AOAH: variants seen among roughly 807,000 people sequenced by gnomAD.
The protein encoded by AOAH is acyloxyacyl hydrolase (neutrophil).
In AOAH, 64 loss-of-function variants were observed where a neutral mutation model predicts 92.2. That is an observed-to-expected ratio of 0.69 (90% CI 0.57 to 0.86). The LOEUF is 0.86. Ranked by LOEUF, AOAH falls within the 40% of genes least tolerant of loss-of-function variation. AOAH has a pLI of 0.00. For missense variants in AOAH, 656 were observed against 694.6 expected, an observed-to-expected ratio of 0.94 and a Z score of 0.62; for synonymous variants, 263 against 254.5, an observed-to-expected ratio of 1.03 and a Z score of -0.32.
At chr7:36,547,681 C>G (rs1443248229) in intron 15 of AOAH, among the ~76,000 whole-genome samples, 2 of 149,070 alleles carry the variant, frequency 1.3e-5, no homozygotes, top group African/African-American at 5.1e-5. Context: ...TTTTTTTTGG[C>G]CACAATCACA....
At position 36,616,462 on chromosome 7, in the gene AOAH, C is replaced by T; in HGVS notation, c.764G>A (p.Arg255Lys). Reference protein sequence around the residue: ...EKKFCEGSQPRGIILLGDSAG... With the variant: ...EKKFCEGSQPKGIILLGDSAG... ...TGAGTCTCCCAGCAAAATGATTCCCCTGGGCTGTGAACCTAGGCAGCACAA... is the reference window on the plus strand; with the variant it reads ...TGAGTCTCCCAGCAAAATGATTCCCTTGGGCTGTGAACCTAGGCAGCACAA... Residue 255 changes from arginine (R) to lysine (K), a missense_variant, in exon 11 of 21, where the codon AGG becomes AAG. Arg to Lys is a conservative substitution (Grantham distance 26, BLOSUM62 2). Coordinates refer to ENST00000617537, the MANE Select transcript of AOAH (RefSeq NM_001637.4). 1.2e-6 allele frequency: 2 copies of T among 1,614,036 alleles called. No homozygotes were observed. The highest frequency in any genetic ancestry group is 1.7e-6 in the Non-Finnish European group (2 of 1,179,908).
intron 20 of AOAH, among the ~76,000 whole-genome samples, chr7:36,518,216 ATTG>A (rs1209563218): frequency 6.6e-6 from 1 of 151,178 alleles, no homozygotes; most frequent in Non-Finnish European, 1.5e-5. Context: ...GTTTGTTGTT[ATTG>A]TTGTTTTTGA....
chr7:36,701,406 G>T (rs7800651), intron 1 of AOAH, among the ~76,000 whole-genome samples: 87,332 of 150,716 alleles, frequency 0.58, 25,569 homozygotes, highest in East Asian at 0.83. Context: ...GCATTGCCTG[G>T]TTTTCTTTTC....
At chr7:36,720,582 G>A (rs1327650694) in intron 1 of AOAH, among the ~76,000 whole-genome samples, 1 of 152,184 alleles carries the variant, frequency 6.6e-6, no homozygotes, top group Non-Finnish European at 1.5e-5. Context: ...CCTCTGCCCT[G>A]CACTTCATGG....
intron 13 of AOAH, among the ~76,000 whole-genome samples, chr7:36,569,470 AATCTATCTATCTATCT>A (rs10581908): frequency 4.5e-4 from 67 of 148,068 alleles, no homozygotes; most frequent in African/African-American, 1.3e-3. Flanking sequence ...TACTTAAAAA[AATCTATCTATCTATCT>A]ATCTATCTAT....
At position 36,540,329 on chromosome 7, in the gene AOAH, A is replaced by C. The variant is rs761689958; in HGVS notation, c.1296T>G (p.Tyr432Ter). ...TFLWDNLHNR[Y>*]HPLGQLNKDM... ...TCTTCAAACTGATACCGAGAGGATGATATCTGTTGTGCAAATTATCCCAGA... is the reference window on the plus strand; with the variant it reads ...TCTTCAAACTGATACCGAGAGGATGCTATCTGTTGTGCAAATTATCCCAGA... The change falls in exon 16 of 21, where the codon TAT (tyrosine) becomes TAG (stop). Residue 432 changes from tyrosine (Y) to a stop codon, truncating the protein, a stop_gained. Coordinates refer to ENST00000617537, the MANE Select transcript of AOAH (RefSeq NM_001637.4). LOFTEE classifies it high-confidence loss of function. 2.5e-6 allele frequency: 4 copies of C among 1,612,022 alleles called. No homozygotes were observed. Among genetic ancestry groups the C allele is most frequent in the Middle Eastern group, 1.7e-4 (1 of 6,050 alleles).
intron 16 of AOAH, 73 bp from the exon 17 acceptor site, chr7:36,532,417 C>T: frequency 2.9e-6 from 4 of 1,386,896 alleles, no homozygotes; most frequent in Non-Finnish European, 4.1e-6. Flanking sequence ...TGGGGGCTTC[C>T]CTGCCTCCCT....
At position 36,513,196 on chromosome 7, in the gene AOAH, G is replaced by C; in HGVS notation, c.*56C>G. The C allele has an allele frequency of 6.2e-7, 1 of 1,614,126 alleles. No individual in the cohort carries two copies. On this transcript the variant is annotated 3_prime_UTR_variant, in exon 21 of 21. Transcript: ENST00000617537. ...AGCCCCCATAGGGTTTGTGGAATGA[G>C]TTTACCCAAGCCTCTGCCTCCCTGT...
chr7:36,521,741 C>A (rs1341422719), intron 20 of AOAH, among the ~76,000 whole-genome samples: 4 of 151,590 alleles, frequency 2.6e-5, no homozygotes. Flanking sequence ...TGGCTTACTG[C>A]CCCTTTTAGC....
chr7:36,620,625 T>A (rs141966786), intron 9 of AOAH, among the ~76,000 whole-genome samples, 156 bp downstream of exon 9: 1 of 152,344 alleles, frequency 6.6e-6, no homozygotes, highest in East Asian at 1.9e-4. Context: ...TCTTCATGCA[T>A]CATCAGGATT....
chr7:36,624,056 A>C (rs765570729), intron 6 of AOAH, among the ~76,000 whole-genome samples: 2 of 152,270 alleles, frequency 1.3e-5, no homozygotes, highest in Non-Finnish European at 2.9e-5. Flanking sequence ...CTTCATTTAC[A>C]TAGGGCATAC....
chr7:36,638,293 A>T (rs1363226926), intron 4 of AOAH, among the ~76,000 whole-genome samples: 2 of 152,196 alleles, frequency 1.3e-5, no homozygotes, highest in Non-Finnish European at 2.9e-5. Flanking sequence ...TAAGCAACTT[A>T]TCCTGGTGTC....
At chr7:36,546,263 C>T (rs1162901090) in intron 15 of AOAH, among the ~76,000 whole-genome samples, 1 of 152,228 alleles carries the variant, frequency 6.6e-6, no homozygotes, top group East Asian at 1.9e-4. Context: ...AAGCAAATAT[C>T]CTAAAACTTG....
intron 11 of AOAH, among the ~76,000 whole-genome samples, chr7:36,603,817 G>C (rs1256649519): frequency 1.3e-5 from 2 of 152,194 alleles, no homozygotes; most frequent in Non-Finnish European, 2.9e-5. Context: ...AACTTGCTAA[G>C]TCTCAGTTTC....
intron 13 of AOAH, among the ~76,000 whole-genome samples, chr7:36,572,703 G>C (rs1018354153): frequency 2.0e-5 from 3 of 152,180 alleles, no homozygotes; most frequent in African/African-American, 7.2e-5. Context: ...ATGAAGCTCA[G>C]GTATGTACCG....
chr7:36,568,653 A>C (rs1021816640), intron 13 of AOAH, among the ~76,000 whole-genome samples: 2 of 151,830 alleles, frequency 1.3e-5, no homozygotes, highest in Non-Finnish European at 2.9e-5. Context: ...GTTTCCCTTC[A>C]CTCTGATTCT....
At chr7:36,545,157 T>C (rs895701405) in intron 15 of AOAH, among the ~76,000 whole-genome samples, 10 of 152,052 alleles carry the variant, frequency 6.6e-5, no homozygotes, top group African/African-American at 2.4e-4. Flanking sequence ...GCTCAAGCTA[T>C]CCTCCCACTT....
chr7:36,712,186 T>C (rs1345716289), intron 1 of AOAH, among the ~76,000 whole-genome samples: 1 of 152,246 alleles, frequency 6.6e-6, no homozygotes, highest in Non-Finnish European at 1.5e-5. Context: ...ACTGTTATTT[T>C]ATTGCTCACA....
At chr7:36,593,694 A>T (rs1789906647) in intron 12 of AOAH, among the ~76,000 whole-genome samples, 1 of 152,190 alleles carries the variant, frequency 6.6e-6, no homozygotes, top group South Asian at 2.1e-4. Flanking sequence ...TCTCCCATCC[A>T]AGTACTAACC....
Sources: allele counts gnomAD v4.1 joint callset (sites outside exome capture counted in the v4.1 genomes callset), GRCh38; gene constraint gnomAD v4.1.1; transcripts MANE v1.5; gene names NCBI Gene and HGNC (gene_info 2026-07-23, HGNC 2026-07-21).